The following SLIT3 variants were observed in gnomAD, a reference collection of about 807,000 sequenced individuals.
SLIT3 encodes slit homolog 3 protein.
A neutral mutation model predicts 184.0 loss-of-function variants in SLIT3; 68 were observed. The ratio of observed to expected loss-of-function variants is 0.37; its 90% CI spans 0.30 to 0.45. The LOEUF is 0.45. Ranked by LOEUF, SLIT3 falls within the 20% of genes least tolerant of loss-of-function variation. SLIT3 has a pLI of 1.00. For synonymous variants in SLIT3, 831 were observed against 828.6 expected (o/e 1.00, Z -0.05); for missense variants, 1,707 against 2,026.0 (o/e 0.84, Z 3.02).
chr5:168,772,844 T>G lies in SLIT3; in HGVS notation c.1396A>C (p.Ser466Arg). 6.2e-7 allele frequency: 1 copy of G among 1,614,100 alleles called. No individual in the cohort carries two copies. Among genetic ancestry groups the G allele is most frequent in the Non-Finnish European group, 8.5e-7 (1 of 1,180,004 alleles). The change falls in exon 14 of 36, where the codon AGC becomes CGC. Residue 466 changes from serine to arginine, a missense_variant. By Grantham distance (110) the Ser-to-Arg change is moderately radical. Around this residue, in one of 3 missense-constraint regions of SLIT3, gnomAD observed 1,307 missense variants for 1,511.6 expected, o/e 0.86. Transcript: ENST00000519560. The stretch of plus-strand genomic sequence containing the variant: ...CGCTTGTTGGCGAGTCGGCGCGGGC[T>G]GCTGCAGCGGGCCCCGCTTGTCTCG... ...PIETSGARCS[S>R]PRRLANKRIS...
intron 4 of SLIT3, among the ~76,000 whole-genome samples, chr5:169,074,006 C>T (rs888496803): frequency 3.3e-5 from 5 of 152,054 alleles, no homozygotes; most frequent in East Asian, 1.9e-4. Context: ...AGAATAGTAC[C>T]GCAAGGGAAT....
At chr5:169,096,703 T>A (rs1403422618) in intron 4 of SLIT3, among the ~76,000 whole-genome samples, 1 of 152,206 alleles carries the variant, frequency 6.6e-6, no homozygotes, top group Admixed American at 6.5e-5. Context: ...TGATATATAT[T>A]GAGCCAGTGA....
At chr5:168,985,400 G>T (rs979530381) in intron 4 of SLIT3, among the ~76,000 whole-genome samples, 1 of 152,200 alleles carries the variant, frequency 6.6e-6, no homozygotes, top group Admixed American at 6.5e-5. Context: ...GAGCAAACCA[G>T]ATGCAAAGGC....
intron 3 of SLIT3, among the ~76,000 whole-genome samples, chr5:169,227,558 G>A (rs1471085364): frequency 6.6e-6 from 1 of 152,104 alleles, no homozygotes; most frequent in Non-Finnish European, 1.5e-5. Context: ...TTCCCCAGTA[G>A]CTGGGATTAC....
At chr5:168,698,727 G>A (rs1053368065) in intron 27 of SLIT3, among the ~76,000 whole-genome samples, 2 of 152,104 alleles carry the variant, frequency 1.3e-5, no homozygotes, top group African/African-American at 4.8e-5. Flanking sequence ...GTGCTGGCCC[G>A]ATGCAGAAGA....
chr5:168,909,631 G>T (rs948405915), intron 4 of SLIT3, among the ~76,000 whole-genome samples: 2 of 152,180 alleles, frequency 1.3e-5, no homozygotes, highest in African/African-American at 4.8e-5. Flanking sequence ...CATTTGAGTG[G>T]TAATCCCTGG....
intron 4 of SLIT3, among the ~76,000 whole-genome samples, chr5:169,062,072 TACTCGG>T (rs1363568328): frequency 6.6e-6 from 1 of 152,014 alleles, no homozygotes; most frequent in African/African-American, 2.4e-5. Flanking sequence ...CAGTCCCAGC[TACTCGG>T]GAGGCTGAGA....
intron 4 of SLIT3, among the ~76,000 whole-genome samples, chr5:169,030,007 C>A (rs931755449): frequency 1.3e-5 from 2 of 152,184 alleles, no homozygotes; most frequent in South Asian, 2.1e-4. Context: ...TTTTAGGAAC[C>A]ACTTCAGCTT....
intron 1 of SLIT3, among the ~76,000 whole-genome samples, chr5:169,258,002 G>A (rs1766035304): frequency 6.6e-6 from 1 of 152,152 alleles, no homozygotes; most frequent in South Asian, 2.1e-4. Context: ...TGAGGACTTT[G>A]TGTTCATTTA....
In SLIT3 at chr5:168,883,285, G is replaced by T. The variant is rs768980439; in HGVS notation, c.465C>A (p.Gly155=). The T allele has an allele frequency of 2.5e-6, 4 of 1,613,932 alleles. No individual in the cohort carries two copies. Among genetic ancestry groups the T allele is most frequent in the Non-Finnish European group, 3.4e-6 (4 of 1,179,906 alleles). Residue 155 remains glycine, a synonymous_variant, in exon 5 of 36, where the codon GGC becomes GGA. Transcript: ENST00000519560. ...IQGIPRKAFR[G]ITDVKNLQLD... The stretch of plus-strand genomic sequence containing the variant: ...CTTACAGGTTCTTCACATCGGTGAT[G>T]CCGCGGAACGCCTTCCTCGGGATCC...
At chr5:168,908,259 A>T (rs1197910123) in intron 4 of SLIT3, among the ~76,000 whole-genome samples, 1 of 152,056 alleles carries the variant, frequency 6.6e-6, no homozygotes, top group African/African-American at 2.4e-5. Context: ...ACATTTTGGA[A>T]GGGACAGTGT....
At chr5:168,988,776 C>A (rs1041016054) in intron 4 of SLIT3, among the ~76,000 whole-genome samples, 22 of 151,628 alleles carry the variant, frequency 1.5e-4, no homozygotes, top group Admixed American at 3.9e-4. Context: ...CTAGGAGACC[C>A]CCCCCCAGGG....
At chr5:169,091,756 C>A (rs1022045157) in intron 4 of SLIT3, among the ~76,000 whole-genome samples, 1 of 152,198 alleles carries the variant, frequency 6.6e-6, no homozygotes, top group African/African-American at 2.4e-5. Flanking sequence ...GTGTGCAAAG[C>A]CTCGTGGCGA....
At chr5:169,192,322 G>A (rs576123727) in intron 4 of SLIT3, among the ~76,000 whole-genome samples, 13 of 152,280 alleles carry the variant, frequency 8.5e-5, no homozygotes, top group Middle Eastern at 3.4e-3. Flanking sequence ...GTGTCCTAGA[G>A]AAGGCAAGCG....
At chr5:168,869,591 C>T (rs1759436380) in intron 5 of SLIT3, among the ~76,000 whole-genome samples, 1 of 152,136 alleles carries the variant, frequency 6.6e-6, no homozygotes, top group Non-Finnish European at 1.5e-5. Flanking sequence ...GATATGATCA[C>T]CTGGGGGTAA....
chr5:168,782,353 T>A (rs1001438364), intron 12 of SLIT3, among the ~76,000 whole-genome samples: 5 of 152,226 alleles, frequency 3.3e-5, no homozygotes, highest in African/African-American at 1.2e-4. Context: ...ACTAAATGAA[T>A]GCTCCTGACT....
chr5:169,219,796 G>C (rs1014016769), intron 3 of SLIT3, among the ~76,000 whole-genome samples: 1 of 152,198 alleles, frequency 6.6e-6, no homozygotes, highest in Non-Finnish European at 1.5e-5. Flanking sequence ...TATCACCCAA[G>C]TATAAAGACA....
intron 4 of SLIT3, among the ~76,000 whole-genome samples, chr5:169,170,021 C>A (rs1464592792): frequency 6.6e-6 from 1 of 152,154 alleles, no homozygotes; most frequent in Non-Finnish European, 1.5e-5. Flanking sequence ...TCCCTTCAGG[C>A]AAAAGGCTTC....
chr5:169,152,679 G>T (rs752825184), intron 4 of SLIT3, among the ~76,000 whole-genome samples: 2 of 152,162 alleles, frequency 1.3e-5, no homozygotes, highest in Non-Finnish European at 2.9e-5. Flanking sequence ...GAAGACAGCA[G>T]GCCTGCCCAG....
Sources: gnomAD v4.1 joint callset for allele counts (sites outside exome capture counted in the v4.1 genomes callset) on GRCh38, gnomAD v4.1.1 for gene constraint, gnomAD v4.1.1 regional missense constraint, MANE v1.5 for transcripts, NCBI Gene and HGNC (gene_info 2026-07-23, HGNC 2026-07-21) for gene names.